TG: variants seen among roughly 807,000 people sequenced by gnomAD.
TG encodes the protein thyroglobulin.
Under a neutral mutation model 324.7 loss-of-function variants are expected in TG, and 270 were observed. The ratio of observed to expected loss-of-function variants is 0.83; its 90% CI spans 0.75 to 0.92. The LOEUF (loss-of-function observed/expected upper bound fraction) is 0.92. Ranked by LOEUF, TG falls within the 40% of genes least tolerant of loss-of-function variation. The pLI, the probability that TG is intolerant of heterozygous loss-of-function variation, is 0.00. For synonymous variants in TG, 1,401 were observed against 1,327.0 expected (o/e 1.06, Z -1.21); for missense variants, 3,591 against 3,456.4 (o/e 1.04, Z -0.98).
At chr8:132,900,135 A>G in intron 14 of TG, 102 bp from the exon 15 acceptor site, 1 of 936,052 alleles carries the variant, frequency 1.1e-6, no homozygotes, top group Non-Finnish European at 1.7e-6. Context: ...AGAAGCCATC[A>G]CCTGTTGTTT....
intron 45 of TG, among the ~76,000 whole-genome samples, chr8:133,118,868 G>A (rs72729572): frequency 0.088 from 13,443 of 152,228 alleles, 820 homozygotes; most frequent in Middle Eastern, 0.14. Flanking sequence ...GGATCTTGGC[G>A]TGGGGAGATA....
chr8:132,888,951 T>C (rs959684918), intron 10 of TG, among the ~76,000 whole-genome samples: 8 of 152,182 alleles, frequency 5.3e-5, no homozygotes, highest in African/African-American at 1.9e-4. Context: ...CTATGTTAGG[T>C]GTACCTTTTA....
At chr8:133,125,118 C>T (rs1229673663) in intron 45 of TG, among the ~76,000 whole-genome samples, 5 of 152,164 alleles carry the variant, frequency 3.3e-5, no homozygotes, top group Admixed American at 6.5e-5. Flanking sequence ...TACCTAACGC[C>T]GTCTATGCTG....
At chr8:133,104,191 G>A (rs1378313693) in intron 43 of TG, among the ~76,000 whole-genome samples, 1 of 152,186 alleles carries the variant, frequency 6.6e-6, no homozygotes, top group Non-Finnish European at 1.5e-5. Context: ...GGAGGGACTG[G>A]GAGGAGAGGA....
At chr8:133,051,613 G>A (rs1431235506) in intron 41 of TG, among the ~76,000 whole-genome samples, 4 of 152,202 alleles carry the variant, frequency 2.6e-5, no homozygotes, top group Non-Finnish European at 5.9e-5. Context: ...GTATTGAAAG[G>A]AATTCTGGTG....
chr8:132,900,312 C>T lies in TG; in HGVS notation c.3406C>T (p.Arg1136Trp), dbSNP rs116642273. 27 of 1,613,434 alleles carry T rather than the reference C, an allele frequency of 1.7e-5. No individual in the cohort carries two copies. The highest frequency in any genetic ancestry group is 5.3e-5 in the African/African-American group (4 of 75,048). The change falls in exon 15 of 48, where the codon CGG (arginine) becomes TGG (tryptophan). Residue 1136 changes from arginine (R) to tryptophan (W), a missense_variant. By Grantham distance (101) the Arg-to-Trp change is moderately radical. Transcript: ENST00000220616. ...CVDPASGEEL[R>W]PGSSSSAQCP... is the part of the protein sequence containing the mutation. ...GGACCCTGCATCAGGAGAAGAGTTG[C>T]GGCCTGGCTCGAGCAGCAGTGCCCA...
intron 35 of TG, chr8:133,002,725 T>G (rs373283870): frequency 1.5e-4 from 38 of 248,946 alleles, no homozygotes; most frequent in African/African-American, 7.9e-4. Flanking sequence ...GGTACCCTTC[T>G]CTTGGGCTTC....
intron 15 of TG, among the ~76,000 whole-genome samples, chr8:132,901,046 T>C (rs1055097772): frequency 6.6e-6 from 1 of 152,218 alleles, no homozygotes; most frequent in African/African-American, 2.4e-5. Context: ...CTCTGTAGGC[T>C]CCTACACTGC....
chr8:133,047,288 A>G (rs919897486), intron 41 of TG: 12 of 153,350 alleles, frequency 7.8e-5, no homozygotes, highest in African/African-American at 2.9e-4. Context: ...GTGAGAGGAC[A>G]CATGTGATTC....
At chr8:133,005,200 A>C (rs1564065161) in intron 35 of TG, among the ~76,000 whole-genome samples, 1 of 152,156 alleles carries the variant, frequency 6.6e-6, no homozygotes, top group Non-Finnish European at 1.5e-5. Flanking sequence ...GGCCCAGCCC[A>C]TGGCACCGCA....
At chr8:132,879,011 T>C (rs967113056) in intron 5 of TG, among the ~76,000 whole-genome samples, 1 of 152,214 alleles carries the variant, frequency 6.6e-6, no homozygotes, top group Non-Finnish European at 1.5e-5. Flanking sequence ...GGAGATCTAA[T>C]AAGGAGGAGG....
intron 35 of TG, among the ~76,000 whole-genome samples, chr8:133,007,026 C>T (rs923502688): frequency 1.3e-5 from 2 of 152,086 alleles, no homozygotes; most frequent in Non-Finnish European, 2.9e-5. Flanking sequence ...TCCTGTCACC[C>T]AGGGAGATAT....
At chr8:133,024,004 T>C (rs141946040) in intron 40 of TG, among the ~76,000 whole-genome samples, 2 of 152,256 alleles carry the variant, frequency 1.3e-5, no homozygotes, top group South Asian at 2.1e-4. Flanking sequence ...GTTACACTTA[T>C]GGAGTGTGTC....
chr8:132,930,876 C>G (rs1443840133), intron 23 of TG, among the ~76,000 whole-genome samples: 2 of 152,036 alleles, frequency 1.3e-5, no homozygotes, highest in African/African-American at 2.4e-5. Flanking sequence ...AAAAAGAGAG[C>G]CACATCAAGG....
intron 5 of TG, among the ~76,000 whole-genome samples, chr8:132,879,004 G>A (rs1326833886): frequency 6.6e-6 from 1 of 152,196 alleles, no homozygotes; most frequent in Non-Finnish European, 1.5e-5. Context: ...TGGGGCAGGA[G>A]ATCTAATAAG....
rs548992720 is a variant in TG, at chr8:133,010,877, A to G, written c.6263-1024A>G. ...CTACGTACAGGACTAGGGAGGCAGC[A>G]CCAGAGAGCAGTTGGAGGGCACAAG... On this transcript the variant is annotated intron_variant, in intron 35 of 47. Coordinates refer to ENST00000220616, the MANE Select transcript of TG (RefSeq NM_003235.5). 7.9e-5 allele frequency among the ~76,000 whole-genome samples: 12 copies of G among 152,316 alleles called. No homozygotes were observed. The East Asian group carries it at 2.1e-3, about 27-fold the overall frequency.
chr8:133,102,706 G>A, intron 43 of TG: 2 of 768,218 alleles, frequency 2.6e-6, no homozygotes, highest in South Asian at 3.3e-5. Context: ...GAAATTGACA[G>A]TCTGCCTACA....
chr8:133,089,151 C>T (rs1472803031), intron 41 of TG, among the ~76,000 whole-genome samples: 2 of 152,170 alleles, frequency 1.3e-5, no homozygotes, highest in East Asian at 1.9e-4. Context: ...TTACAAGTCA[C>T]CGATGGGCTC....
At chr8:133,056,833 G>A (rs1228008461) in intron 41 of TG, among the ~76,000 whole-genome samples, 4 of 152,144 alleles carry the variant, frequency 2.6e-5, no homozygotes, top group Admixed American at 6.5e-5. Flanking sequence ...CAGTGCAGGG[G>A]CAGGACTAAA....
Sources: allele counts gnomAD v4.1 joint callset (sites outside exome capture counted in the v4.1 genomes callset), GRCh38; gene constraint gnomAD v4.1.1; transcripts MANE v1.5; gene names NCBI Gene and HGNC (gene_info 2026-07-23, HGNC 2026-07-21).